TRAPPC3: variants seen among roughly 807,000 people sequenced by gnomAD.
TRAPPC3 encodes trafficking protein particle complex 3.
Under a neutral mutation model 18.2 loss-of-function variants are expected in TRAPPC3, and 5 were observed. The ratio of observed to expected loss-of-function variants is 0.28; its 90% confidence interval spans 0.14 to 0.58. The LOEUF is 0.58. TRAPPC3 is among the 20% of genes least tolerant of loss of function. The probability of loss-of-function intolerance (pLI) is 0.91; values close to 1 mark genes in which losing one functional copy is unlikely to be tolerated. For synonymous variants in TRAPPC3, 65 were observed against 84.2 expected (o/e 0.77, Z 1.25); for missense variants, 176 against 225.9 (o/e 0.78, Z 1.41).
At chr1:36,153,525 G>A (rs1198632291), upstream of TRAPPC3, among the ~76,000 whole-genome samples, 2 of 152,212 alleles carry the variant, frequency 1.3e-5, no homozygotes, top group African/African-American at 4.8e-5. Flanking sequence ...CATCTTGTGA[G>A]TGCCTCACCC....
chr1:36,149,945 A>G (rs2231305), upstream of TRAPPC3, among the ~76,000 whole-genome samples: 2,644 of 152,294 alleles, frequency 0.017, 145 homozygotes, highest in East Asian at 0.21. Context: ...AAAAATATTT[A>G]ATGACCTACT....
At chr1:36,145,443 C>G (rs1644179494) in intron 1 of TRAPPC3, among the ~76,000 whole-genome samples, 1 of 152,116 alleles carries the variant, frequency 6.6e-6, no homozygotes, top group Admixed American at 6.5e-5. Flanking sequence ...AAGACTAAAT[C>G]CAGCCAACTC....
chr1:36,150,183 G>C (rs952052692), upstream of TRAPPC3, among the ~76,000 whole-genome samples: 1 of 152,146 alleles, frequency 6.6e-6, no homozygotes, highest in Non-Finnish European at 1.5e-5. Context: ...TCTAATCCCA[G>C]CTTTGCCATT....
At chr1:36,143,462 A>C (rs1318700510) in intron 1 of TRAPPC3, among the ~76,000 whole-genome samples, 1 of 152,146 alleles carries the variant, frequency 6.6e-6, no homozygotes, top group Non-Finnish European at 1.5e-5. Flanking sequence ...AGAGAACAGA[A>C]AAGGAAATCA....
chr1:36,141,255 A>AG (rs920278842), intron 1 of TRAPPC3, among the ~76,000 whole-genome samples: 2 of 152,234 alleles, frequency 1.3e-5, no homozygotes, highest in African/African-American at 4.8e-5. Context: ...AGCAGCAGGC[A>AG]GGGGGAAAGG....
chr1:36,139,676 C>G, intron 3 of TRAPPC3, 44 bp downstream of exon 3: 1 of 1,611,380 alleles, frequency 6.2e-7, no homozygotes, highest in Non-Finnish European at 8.5e-7. Flanking sequence ...CAGTGCCTCT[C>G]AGCAGCAATT....
chr1:36,149,742 G>A (rs1271410807), upstream of TRAPPC3, among the ~76,000 whole-genome samples: 1 of 152,124 alleles, frequency 6.6e-6, no homozygotes, highest in Non-Finnish European at 1.5e-5. Flanking sequence ...TCACACACAC[G>A]CTTCCTCCTT....
rs563964530 is a variant in TRAPPC3, at chr1:36,149,305, C to T, written c.42+32G>A. ...CCTTCCCTGTACGCCTCAATTTCGC[C>T]CCGCCCGCCGAGGTCACGCGCTCCA... On this transcript the variant is annotated intron_variant, in intron 1 of 4. Coordinates refer to ENST00000373166, the MANE Select transcript of TRAPPC3 (RefSeq NM_014408.5). 3.7e-6 allele frequency: 6 copies of T among 1,613,558 alleles called. No homozygotes were observed. The South Asian group carries it at 6.6e-5, about 18-fold the overall frequency.
chr1:36,138,301 T>C (rs1187250378), intron 3 of TRAPPC3: 2 of 1,521,568 alleles, frequency 1.3e-6, no homozygotes, highest in Admixed American at 2.0e-5. Flanking sequence ...AAGGGAGCAC[T>C]AGTCTTTCGA....
upstream of TRAPPC3, among the ~76,000 whole-genome samples, chr1:36,153,021 G>C (rs1481930462): frequency 6.6e-6 from 1 of 152,166 alleles, no homozygotes; most frequent in African/African-American, 2.4e-5. Context: ...GCGGTGAAAG[G>C]AACAGCTCAC....
At chr1:36,146,106 G>A (rs1644194462) in intron 1 of TRAPPC3, among the ~76,000 whole-genome samples, 1 of 150,968 alleles carries the variant, frequency 6.6e-6, no homozygotes, top group Admixed American at 6.6e-5. Flanking sequence ...TTTTGAGATG[G>A]AGTGTTGCTA....
intron 3 of TRAPPC3, chr1:36,139,503 G>A (rs1644075583): frequency 1.7e-6 from 1 of 597,284 alleles, no homozygotes; most frequent in Admixed American, 3.2e-5. Flanking sequence ...CCTTCACAGT[G>A]GAAAAGCTCA....
intron 1 of TRAPPC3, among the ~76,000 whole-genome samples, chr1:36,154,703 T>C (rs929141654): frequency 2.0e-5 from 3 of 152,236 alleles, no homozygotes; most frequent in Non-Finnish European, 4.4e-5. Flanking sequence ...GGTTCTGTGC[T>C]CAGCACTTCA....
chr1:36,153,047 T>C (rs1448491427), upstream of TRAPPC3, among the ~76,000 whole-genome samples: 2 of 152,322 alleles, frequency 1.3e-5, no homozygotes, highest in East Asian at 3.9e-4. Flanking sequence ...CCTGTTTCCG[T>C]GCAGAAGGAG....
rs553061778 is a variant in TRAPPC3, at chr1:36,137,472, T to C, written c.424-150A>G. On this transcript the variant is annotated intron_variant, in intron 4 of 4. Coordinates refer to ENST00000373166, the MANE Select transcript of TRAPPC3 (RefSeq NM_014408.5). ...CAAGATTGACAGCGCCAACATTCTG[T>C]TGCATAAGACAATGGCTCCAACCCT... The C allele has an allele frequency of 1.5e-5, 12 of 782,036 alleles. No individual in the cohort carries two copies. The Admixed American group carries it at 3.1e-4, about 20-fold the overall frequency. 48.4% of individuals were successfully genotyped at this position (782,036 alleles called of 1,614,324 possible). A position where few individuals can be genotyped will look rare whatever the true frequency, so the allele number is the denominator to read the frequency against.
At chr1:36,138,131 A>G (rs768803520) in intron 3 of TRAPPC3, 153 bp from the exon 4 acceptor site, 1 of 1,555,194 alleles carries the variant, frequency 6.4e-7, no homozygotes. Flanking sequence ...ACAACAAAGG[A>G]GAAGCATCTG....
At chr1:36,137,364 C>T (rs370714828) in intron 4 of TRAPPC3, 42 bp from the exon 5 acceptor site, 2 of 1,593,106 alleles carry the variant, frequency 1.3e-6, no homozygotes, top group African/African-American at 2.7e-5. Context: ...TGCCTGGCCA[C>T]AGCCTCTAGG....
chr1:36,143,999 T>C (rs1368354041), intron 1 of TRAPPC3, among the ~76,000 whole-genome samples: 1 of 152,110 alleles, frequency 6.6e-6, no homozygotes, highest in East Asian at 1.9e-4. Context: ...GGTGTGGTGC[T>C]AGATCACACC....
chr1:36,137,994 CAA>C lies in TRAPPC3; in HGVS notation c.241-18_241-17del. 6.2e-7 allele frequency: 1 copy of C among 1,612,512 alleles called. No individual in the cohort carries two copies. Among genetic ancestry groups the C allele is most frequent in the Non-Finnish European group, 8.5e-7 (1 of 1,178,928 alleles). ...TGAACGCCACCTGTCAGGGGACACA[CAA>C]CAGCACTTTGGGGAAGAGCAGCAGG... On this transcript the variant is annotated splice_polypyrimidine_tract_variant and intron_variant, in intron 3 of 4. Transcript: ENST00000373166.
Sources: allele counts gnomAD v4.1 joint callset (sites outside exome capture counted in the v4.1 genomes callset), GRCh38; gene constraint gnomAD v4.1.1; transcripts MANE v1.5; gene names NCBI Gene and HGNC (gene_info 2026-07-23, HGNC 2026-07-21).